USP7: variants seen among roughly 807,000 people sequenced by gnomAD.
USP7 encodes ubiquitin specific peptidase 7.
USP7 carries 9 observed loss-of-function variants against 162.9 expected under a neutral mutation model. That is an observed-to-expected ratio of 0.06 (90% CI 0.03 to 0.10). The LOEUF (loss-of-function observed/expected upper bound fraction) is 0.10. Among genes scored for constraint, USP7 ranks in the 10% least tolerant of loss-of-function variants. USP7 has a pLI of 1.00. For missense variants in USP7, 715 were observed against 1,373.7 expected, an observed-to-expected ratio of 0.52 and a Z score of 7.58; for synonymous variants, 562 against 475.9, an observed-to-expected ratio of 1.18 and a Z score of -2.35.
intron 18 of USP7, chr16:8,901,839 C>A (rs1262365315): frequency 5.6e-6 from 3 of 533,814 alleles, no homozygotes; most frequent in Non-Finnish European, 1.0e-5. Flanking sequence ...CACAGCACAG[C>A]AGCTGAGACT....
At chr16:8,942,740 G>A (rs1899106131) in intron 1 of USP7, among the ~76,000 whole-genome samples, 1 of 152,064 alleles carries the variant, frequency 6.6e-6, no homozygotes, top group South Asian at 2.1e-4. Flanking sequence ...GTAGAGACTG[G>A]GTCTCACTAT....
rs1477975333 is a variant in USP7 at position 8,963,631 on chromosome 16, C to T, written c.-346G>A. ...CGGGGCCGGGGCCGGGGCTGCGGGG[C>T]CGCGGGCCGGCCGGGGGCGGAGGGC... On this transcript the variant is annotated 5_prime_UTR_variant, in exon 1 of 31. Transcript: ENST00000344836. 1.4e-5 allele frequency: 2 copies of T among 142,178 alleles called. No individual in the cohort carries two copies. Among genetic ancestry groups the T allele is most frequent in the Non-Finnish European group, 3.1e-5 (2 of 64,500 alleles). The allele number at this position is 142,178 out of a possible 1,614,324, so 8.8% of individuals were successfully genotyped here. A position where few individuals can be genotyped will look rare whatever the true frequency, so the allele number is the denominator to read the frequency against.
At position 8,895,094 on chromosome 16, in the gene USP7, C is replaced by G; in HGVS notation, c.2976G>C (p.Val992=). Residue 992 remains valine, a synonymous_variant, in exon 28 of 31, where the codon GTG becomes GTC. Transcript: ENST00000344836. ...IDKENEMLVT[V]AHFHKEVFGT... Reference sequence around the variant, plus strand: ...CGAAGACCTCTTTGTGGAAATGCGCCACTGTGACAAGCATCTCATTCTCTT... The same window carrying G: ...CGAAGACCTCTTTGTGGAAATGCGCGACTGTGACAAGCATCTCATTCTCTT... The G allele has an allele frequency of 3.1e-6, 5 of 1,614,226 alleles. No individual in the cohort carries two copies. The highest frequency in any genetic ancestry group is 4.2e-6 in the Non-Finnish European group (5 of 1,180,042).
At chr16:8,962,958 T>G (rs1323252994) in intron 1 of USP7, 1 of 215,714 alleles carries the variant, frequency 4.6e-6, no homozygotes, top group East Asian at 9.6e-5. Flanking sequence ...GGGCGCTTTG[T>G]GCCGCGGAGG....
intron 4 of USP7, 103 bp from the exon 5 acceptor site, chr16:8,920,550 CTT>C (rs112935927): frequency 1.1e-6 from 1 of 933,904 alleles, no homozygotes; most frequent in South Asian, 1.9e-5. Flanking sequence ...GATGAAAATA[CTT>C]TTTTTTTAAA....
chr16:8,917,070 A>G lies in USP7; in HGVS notation c.807T>C (p.His269=), dbSNP rs139232336. The change falls in exon 7 of 31, where the codon CAT becomes CAC. Residue 269 remains histidine (H), a synonymous_variant. Coordinates refer to ENST00000344836, the MANE Select transcript of USP7 (RefSeq NM_003470.3). ...TTTTTGTTCCTACAGGTTTATCACT[A>G]TGCTGTAATTCATAGAACACTCTTT... ...ALQRVFYELQ[H]SDKPVGTKKL... 3,564 of 1,613,054 alleles carry G rather than the reference A, an allele frequency of 2.2e-3. 7 individuals are homozygous for G. Among genetic ancestry groups the G allele is most frequent in the Non-Finnish European group, 2.7e-3 (3,171 of 1,179,722 alleles).
At chr16:8,942,137 C>T (rs1037726213) in intron 1 of USP7, among the ~76,000 whole-genome samples, 1 of 152,228 alleles carries the variant, frequency 6.6e-6, no homozygotes, top group African/African-American at 2.4e-5. Flanking sequence ...TGGGCAGGGC[C>T]AAAGCTATGG....
chr16:8,959,443 G>A (rs1041033025), intron 1 of USP7, among the ~76,000 whole-genome samples: 4 of 151,886 alleles, frequency 2.6e-5, no homozygotes, highest in African/African-American at 7.3e-5. Context: ...GAGGATATCA[G>A]CAGCCTGAAA....
chr16:8,927,101 T>G (rs943405087), intron 2 of USP7, among the ~76,000 whole-genome samples: 2 of 152,054 alleles, frequency 1.3e-5, no homozygotes, highest in African/African-American at 2.4e-5. Flanking sequence ...AGGCGAATCA[T>G]GAGGTCAGGA....
intron 11 of USP7, among the ~76,000 whole-genome samples, chr16:8,910,205 C>G (rs1275247179): frequency 6.6e-6 from 1 of 151,794 alleles, no homozygotes; most frequent in Admixed American, 6.5e-5. Flanking sequence ...AGACCAGCAG[C>G]CAGAAACAGC....
intron 14 of USP7, 42 bp from the exon 15 acceptor site, chr16:8,904,607 T>G (rs370188136): frequency 6.2e-7 from 1 of 1,604,564 alleles, no homozygotes; most frequent in East Asian, 2.2e-5. Context: ...GCAGATGGAC[T>G]TTCCCCTCTT....
intron 1 of USP7, among the ~76,000 whole-genome samples, chr16:8,944,236 A>AG (rs1030025434): frequency 6.6e-6 from 1 of 151,790 alleles, no homozygotes; most frequent in African/African-American, 2.4e-5. Context: ...GAGGTGCAAA[A>AG]AAAAAAAAGC....
chr16:8,936,647 GA>G (rs1425790755), intron 1 of USP7: 2 of 1,554,136 alleles, frequency 1.3e-6, no homozygotes, highest in Non-Finnish European at 1.7e-6. Flanking sequence ...TCTGCTGGGG[GA>G]TGGGGGAGGT....
Position 8,892,959 on chromosome 16 carries a change from G to C in USP7, c.*1039C>G, listed in dbSNP as rs1378930639. The C allele has an allele frequency of 6.6e-6, 1 of 152,142 alleles. No individual in the cohort carries two copies. The highest frequency in any genetic ancestry group is 2.1e-4 in the South Asian group (1 of 4,814). The allele number at this position is 152,142 out of a possible 1,614,324, so 9.4% of individuals were successfully genotyped here. ...AAAACTAGACACGCAGCTGGCATTA[G>C]CTCCAAAATAAAAGGAAACGGGGCT... On this transcript the variant is annotated 3_prime_UTR_variant, in exon 31 of 31. Coordinates refer to ENST00000344836, the MANE Select transcript of USP7 (RefSeq NM_003470.3).
rs766233523 is a variant in USP7, at chr16:8,915,364, A to G, written c.988-20T>C. The G allele has an allele frequency of 6.2e-7, 1 of 1,613,174 alleles. No homozygotes were observed. Among genetic ancestry groups the G allele is most frequent in the South Asian group, 1.1e-5 (1 of 90,892 alleles). ...ATAGGACTGCAAATAAGGAAAGTAA[A>G]AGTGGTTTAACTAGTAATAGTCAAA... On this transcript the variant is annotated intron_variant, in intron 9 of 30. Coordinates refer to ENST00000344836, the MANE Select transcript of USP7 (RefSeq NM_003470.3).
intron 2 of USP7, chr16:8,929,343 A>T: frequency 2.6e-6 from 1 of 380,468 alleles, no homozygotes; most frequent in South Asian, 1.9e-5. Context: ...GTAACAAAGC[A>T]GCGGGTTTAG....
chr16:8,923,166 T>G, intron 3 of USP7, 49 bp downstream of exon 3: 2 of 21,586 alleles, frequency 9.3e-5, no homozygotes, highest in Non-Finnish European at 1.8e-4. Context: ...AAGATAAAAT[T>G]GCACTAGGCT....
rs749591822 is a variant in USP7 at position 8,904,456 on chromosome 16, G to A, written c.1683C>T (p.Ala561=). 33 of 1,613,858 alleles carry A rather than the reference G, an allele frequency of 2.0e-5. 1 individual carries two copies. In the South Asian group the frequency reaches 3.6e-4, roughly 18 times the overall value. ...TGACCTGCACTTGCATATAGAGATGGGCTTCCTGCCGCTCCTTCCGCTTCT... is the reference window on the plus strand; with the variant it reads ...TGACCTGCACTTGCATATAGAGATGAGCTTCCTGCCGCTCCTTCCGCTTCT... The part of the protein sequence containing the change: ...EAQKRKERQE[A]HLYMQVQIVA... Residue 561 remains alanine, a synonymous_variant, in exon 15 of 31, where the codon GCC becomes GCT. Coordinates refer to ENST00000344836, the MANE Select transcript of USP7 (RefSeq NM_003470.3).
intron 15 of USP7, among the ~76,000 whole-genome samples, chr16:8,903,693 C>A (rs1022722565): frequency 1.3e-5 from 2 of 152,018 alleles, no homozygotes; most frequent in Non-Finnish European, 2.9e-5. Context: ...CACGGAGAAA[C>A]CCTGTCTCTA....
Sources: allele counts gnomAD v4.1 joint callset (sites outside exome capture counted in the v4.1 genomes callset), GRCh38; gene constraint gnomAD v4.1.1; transcripts MANE v1.5; gene names NCBI Gene and HGNC (gene_info 2026-07-23, HGNC 2026-07-21).